Variants in HEATR5A observed in about 807,000 individuals in gnomAD.
The protein encoded by HEATR5A is HEAT repeat containing 5A, also known as HEAT repeat-containing protein 5A.
Under a neutral mutation model 218.8 loss-of-function variants are expected in HEATR5A, and 178 were observed. The ratio of observed to expected loss-of-function variants is 0.81; its 90% CI spans 0.72 to 0.92. The LOEUF (loss-of-function observed/expected upper bound fraction) is 0.92, where lower values mean the gene tolerates loss of function less well. Among genes scored for constraint, HEATR5A ranks in the 40% least tolerant of loss-of-function variants. The probability of loss-of-function intolerance (pLI) is 0.00; values close to 1 mark genes in which losing one functional copy is unlikely to be tolerated. For synonymous variants in HEATR5A, 864 were observed against 871.6 expected (o/e 0.99, Z 0.15); for missense variants, 2,420 against 2,418.9 (o/e 1.00, Z -0.01).
chr14:31,372,896 C>T (rs1032074303), intron 12 of HEATR5A, among the ~76,000 whole-genome samples: 2 of 151,724 alleles, frequency 1.3e-5, no homozygotes, highest in African/African-American at 4.8e-5. Flanking sequence ...CCCTCTCTCT[C>T]TCTCTCCCTC....
At chr14:31,329,433 G>A (rs1900387216) in intron 22 of HEATR5A, among the ~76,000 whole-genome samples, 1 of 152,186 alleles carries the variant, frequency 6.6e-6, no homozygotes, top group Non-Finnish European at 1.5e-5. Context: ...CCAAATGGGA[G>A]AAATTGGGCT....
In HEATR5A at chr14:31,414,880, G is replaced by A. The variant is rs138129236; in HGVS notation, c.-75+5592C>T. Among the ~76,000 whole-genome samples the A allele has an allele frequency of 6.1e-4, 93 of 151,940 alleles. 3 individuals are homozygous for A. In the East Asian group the frequency reaches 0.014, roughly 23 times the overall value. On this transcript the variant is annotated intron_variant, in intron 1 of 35. Coordinates refer to ENST00000543095, the MANE Select transcript of HEATR5A (RefSeq NM_015473.4). ...GTTTGTGACAGAGTCTCACTCTGTC[G>A]CCCCAGCTGGAGAGCAGTGGCACCA...
chr14:31,321,383 C>T (rs1340447828), intron 25 of HEATR5A, 116 bp downstream of exon 25: 1 of 684,234 alleles, frequency 1.5e-6, no homozygotes. Flanking sequence ...TCAAAGCTAC[C>T]TACCCGCCTT....
intron 22 of HEATR5A, among the ~76,000 whole-genome samples, chr14:31,330,940 CTTTTTTTTTTT>C (rs764303670): frequency 5.3e-5 from 4 of 75,954 alleles, no homozygotes; most frequent in Non-Finnish European, 1.0e-4. Context: ...CTTCCCTCAC[CTTTTTTTTTTT>C]TTTTTTTTGA....
chr14:31,337,721 T>A, intron 21 of HEATR5A, 107 bp from the exon 22 acceptor site: 1 of 852,632 alleles, frequency 1.2e-6, no homozygotes, highest in Non-Finnish European at 1.8e-6. Flanking sequence ...AGCCCATCAG[T>A]GGGCTGGACA....
In HEATR5A at chr14:31,313,331, C is replaced by T; in HGVS notation, c.4219-141G>A. ...GCACTGTGATATCAAGAAGGCCTGT[C>T]TGTGTAACTACACACAGAAAACTGG... On this transcript the variant is annotated intron_variant, in intron 27 of 35. Coordinates refer to ENST00000543095, the MANE Select transcript of HEATR5A (RefSeq NM_015473.4). 7.7e-6 allele frequency: 5 copies of T among 645,460 alleles called. 1 individual carries two copies. The South Asian group carries it at 9.5e-5, about 12-fold the overall frequency. 40.0% of individuals were successfully genotyped at this position (645,460 alleles called of 1,614,324 possible).
chr14:31,417,227 G>A (rs1315641622), intron 1 of HEATR5A, among the ~76,000 whole-genome samples: 2 of 151,952 alleles, frequency 1.3e-5, no homozygotes, highest in Non-Finnish European at 2.9e-5. Flanking sequence ...ACAGTTGCTA[G>A]AGAAAATATA....
At chr14:31,337,922 C>A (rs1314270692) in intron 21 of HEATR5A, among the ~76,000 whole-genome samples, 1 of 152,106 alleles carries the variant, frequency 6.6e-6, no homozygotes, top group Non-Finnish European at 1.5e-5. Context: ...AAAAAAAGAA[C>A]TACAATGGAA....
rs960211778 is a variant in HEATR5A at position 31,291,946 on chromosome 14, A to C, written c.*1359T>G. ...TGTTCTTGCTTCAAAATGTCTTCTC[A>C]ATTCTGACATGCTTCTATCACTTCG... On this transcript the variant is annotated 3_prime_UTR_variant, in exon 36 of 36. Transcript: ENST00000543095. 1 of 152,228 alleles carries C rather than the reference A, an allele frequency of 6.6e-6. No homozygotes were observed. The highest frequency in any genetic ancestry group is 2.4e-5 in the African/African-American group (1 of 41,464). 9.4% of individuals were successfully genotyped at this position (152,228 alleles called of 1,614,324 possible).
rs562713926 is a variant in HEATR5A, at chr14:31,362,827, G to T, written c.2071+1362C>A. 9.2e-5 allele frequency among the ~76,000 whole-genome samples: 14 copies of T among 151,682 alleles called. No homozygotes were observed. In the East Asian group the frequency reaches 2.5e-3, roughly 27 times the overall value. On this transcript the variant is annotated intron_variant, in intron 14 of 35. Transcript: ENST00000543095. The stretch of plus-strand genomic sequence containing the variant: ...TCCATTATTTATCAGAAGATACACT[G>T]TAGATTTTAAGTCGAGATTCTTGTA...
Position 31,402,896 on chromosome 14 carries a change from A to G in HEATR5A, c.80T>C (p.Phe27Ser). Residue 27 changes from phenylalanine to serine, a missense_variant, in exon 2 of 36, where the codon TTT becomes TCT. By Grantham distance (155) the Phe-to-Ser change is radical. Transcript: ENST00000543095. ...LGEVQKAEFIFEWLRYLEKLL... is the reference protein window; with the variant it reads ...LGEVQKAEFISEWLRYLEKLL... ...CTTCTCCAAGTATCTCAACCACTCA[A>G]AAATAAACTCTGCCTTCTGAACTTC... The G allele has an allele frequency of 2.0e-6, 3 of 1,536,548 alleles. No homozygotes were observed. The highest frequency in any genetic ancestry group is 2.6e-6 in the Non-Finnish European group (3 of 1,146,954).
chr14:31,361,435 G>C (rs546637098), intron 14 of HEATR5A, among the ~76,000 whole-genome samples: 1 of 152,248 alleles, frequency 6.6e-6, no homozygotes, highest in African/African-American at 2.4e-5. Context: ...GTTGCTCAAA[G>C]GAATGTCTAA....
intron 33 of HEATR5A, among the ~76,000 whole-genome samples, chr14:31,299,243 C>A (rs1020494264): frequency 4.6e-5 from 7 of 152,164 alleles, no homozygotes; most frequent in Non-Finnish European, 8.8e-5. Flanking sequence ...ACGCTTTCAA[C>A]TCCTAAATCA....
chr14:31,329,014 ATG>A (rs1900370045), intron 22 of HEATR5A, among the ~76,000 whole-genome samples: 1 of 152,176 alleles, frequency 6.6e-6, no homozygotes, highest in African/African-American at 2.4e-5. Flanking sequence ...AAAAGAGAGC[ATG>A]TGAAGGAGGC....
intron 22 of HEATR5A, among the ~76,000 whole-genome samples, chr14:31,331,901 C>A (rs1405679889): frequency 6.6e-6 from 1 of 152,190 alleles, no homozygotes; most frequent in African/African-American, 2.4e-5. Context: ...GATCCAATCA[C>A]CCCCAACTAG....
At chr14:31,384,943 G>A (rs957690701) in intron 9 of HEATR5A, among the ~76,000 whole-genome samples, 1 of 152,142 alleles carries the variant, frequency 6.6e-6, no homozygotes, top group Non-Finnish European at 1.5e-5. Context: ...AGACAGTGAA[G>A]TAACTGTCAC....
chr14:31,309,894 G>A (rs545884726), intron 28 of HEATR5A, among the ~76,000 whole-genome samples: 4 of 151,690 alleles, frequency 2.6e-5, no homozygotes, highest in Non-Finnish European at 5.9e-5. Context: ...GTAGAGATGG[G>A]GTTTCACCAT....
chr14:31,324,914 A>G (rs1900217088), intron 23 of HEATR5A, among the ~76,000 whole-genome samples: 1 of 152,234 alleles, frequency 6.6e-6, no homozygotes, highest in African/African-American at 2.4e-5. Flanking sequence ...AGATAGTCAG[A>G]GCAGAGAATA....
chr14:31,324,827 T>C (rs375079363), intron 23 of HEATR5A, among the ~76,000 whole-genome samples: 1 of 151,954 alleles, frequency 6.6e-6, no homozygotes, highest in Non-Finnish European at 1.5e-5. Context: ...AAGAGAAAAT[T>C]AGAAAAATAA....
Sources: allele counts gnomAD v4.1 joint callset (sites outside exome capture counted in the v4.1 genomes callset), GRCh38; gene constraint gnomAD v4.1.1; transcripts MANE v1.5; gene names NCBI Gene and HGNC (gene_info 2026-07-23, HGNC 2026-07-21).